Variants in SPICE1 observed in about 807,000 individuals in gnomAD.
SPICE1 encodes spindle and centriole-associated protein 1.
A neutral mutation model predicts 102.7 loss-of-function variants in SPICE1; 75 were observed. That is an observed-to-expected ratio of 0.73 (90% CI 0.61 to 0.88). The LOEUF (loss-of-function observed/expected upper bound fraction) is 0.88. Among genes scored for constraint, SPICE1 ranks in the 40% least tolerant of loss-of-function variants. The pLI, the probability that SPICE1 is intolerant of heterozygous loss-of-function variation, is 0.00. For missense variants in SPICE1, 979 were observed against 1,020.1 expected (o/e 0.96, Z 0.55); for synonymous variants, 308 against 350.3 (o/e 0.88, Z 1.35).
At chr3:113,502,516 T>C (rs1937028490) in intron 3 of SPICE1, among the ~76,000 whole-genome samples, 1 of 152,002 alleles carries the variant, frequency 6.6e-6, no homozygotes, top group Non-Finnish European at 1.5e-5. Context: ...TGTTAATGGG[T>C]AGAGGGTTTC....
chr3:113,509,884 CCT>C (rs1365226692), intron 1 of SPICE1, among the ~76,000 whole-genome samples: 1 of 152,148 alleles, frequency 6.6e-6, no homozygotes, highest in Non-Finnish European at 1.5e-5. Flanking sequence ...TGGCATTTCC[CCT>C]GTTTGCACTC....
chr3:113,465,769 G>A lies in SPICE1; in HGVS notation c.1171C>T (p.Arg391Cys), dbSNP rs758967946. 24 of 1,612,350 alleles carry A rather than the reference G, an allele frequency of 1.5e-5. No homozygotes were observed. The highest frequency in any genetic ancestry group is 2.2e-5 in the South Asian group (2 of 90,788). ...RYLKESEIQL[R>C]KEVETRQQLE... is the part of the protein sequence containing the mutation. ...TGTTGCCTTGTCTCTACTTCTTTAC[G>A]TAGCTGGATCTCACTCTACAAAAAA... Residue 391 changes from arginine (R) to cysteine (C), a missense_variant, in exon 11 of 18, where the codon CGT becomes TGT. By Grantham distance (180) the Arg-to-Cys change is radical. Transcript: ENST00000295872.
At position 113,488,941 on chromosome 3, in the gene SPICE1, A is replaced by G. The variant is rs199729414; in HGVS notation, c.611+4T>C. ...TTGTAAATATTTATGCCATATACAC[A>G]TACCTGTCTGTATTCGTGTTAGACT... On this transcript the variant is annotated splice_donor_region_variant and intron_variant, in intron 7 of 17. Transcript: ENST00000295872. The G allele has an allele frequency of 4.3e-3, 6,721 of 1,570,440 alleles. 27 individuals are homozygous for G. Among genetic ancestry groups the G allele is most frequent in the Non-Finnish European group, 4.1e-3 (4,680 of 1,140,276 alleles).
At chr3:113,496,394 G>T (rs1274671124) in intron 4 of SPICE1, among the ~76,000 whole-genome samples, 2 of 147,728 alleles carry the variant, frequency 1.4e-5, no homozygotes, top group Non-Finnish European at 3.0e-5. Context: ...TACACATGTT[G>T]GATTTTCAAA....
chr3:113,469,424 TAATTA>T lies in SPICE1; in HGVS notation c.612-191_612-187del, dbSNP rs1302960263. The stretch of plus-strand genomic sequence containing the variant: ...TGCATATAAATTTAATTATAATTTA[TAATTA>T]AATTATATAATTAATTATATATAAT... On this transcript the variant is annotated intron_variant, in intron 7 of 17. Coordinates refer to ENST00000295872, the MANE Select transcript of SPICE1 (RefSeq NM_144718.4). Among the ~76,000 whole-genome samples the T allele has an allele frequency of 1.2e-4, 18 of 146,542 alleles. No individual in the cohort carries two copies. In the East Asian group the frequency reaches 3.3e-3, roughly 27 times the overall value.
rs1004280010 is a variant in SPICE1, at chr3:113,442,721, C to T, written c.*2586G>A. On this transcript the variant is annotated 3_prime_UTR_variant, in exon 18 of 18. Coordinates refer to ENST00000295872, the MANE Select transcript of SPICE1 (RefSeq NM_144718.4). ...CAATAAAATTGGCAAGAAAAAATTG[C>T]TATAATACAATTTGTGTTTATTAGT... is the stretch of plus-strand genomic sequence containing the variant. 1 of 152,116 alleles carries T rather than the reference C, an allele frequency of 6.6e-6. No individual in the cohort carries two copies. The highest frequency in any genetic ancestry group is 1.5e-5 in the Non-Finnish European group (1 of 68,030). The allele number at this position is 152,116 out of a possible 1,614,324, so 9.4% of individuals were successfully genotyped here.
chr3:113,504,654 A>G (rs1267583571), intron 2 of SPICE1, among the ~76,000 whole-genome samples: 2 of 151,776 alleles, frequency 1.3e-5, no homozygotes, highest in African/African-American at 4.8e-5. Context: ...TGTTTTTAAT[A>G]GGCATTTAAA....
At position 113,473,854 on chromosome 3, in the gene SPICE1, G is replaced by A. The variant is rs554207008; in HGVS notation, c.612-4616C>T. On this transcript the variant is annotated intron_variant, in intron 7 of 17. Transcript: ENST00000295872. The stretch of plus-strand genomic sequence containing the variant: ...ATCATGCCAAATTGTAAAGACCATC[G>A]AGACTAGGAAGAAACTGCATCAACT... Among the ~76,000 whole-genome samples, 30 of 152,058 alleles carry A rather than the reference G, an allele frequency of 2.0e-4. No individual in the cohort carries two copies. In the East Asian group the frequency reaches 3.1e-3, roughly 16 times the overall value.
chr3:113,505,712 G>C (rs1576650653), intron 2 of SPICE1, among the ~76,000 whole-genome samples: 1 of 152,254 alleles, frequency 6.6e-6, no homozygotes, highest in Non-Finnish European at 1.5e-5. Context: ...ACCAACCTGG[G>C]CAACACAGCA....
At position 113,460,773 on chromosome 3, in the gene SPICE1, G is replaced by A. The variant is rs779366440; in HGVS notation, c.1288-9C>T. On this transcript the variant is annotated splice_polypyrimidine_tract_variant and intron_variant, in intron 11 of 17. Coordinates refer to ENST00000295872, the MANE Select transcript of SPICE1 (RefSeq NM_144718.4). ...TACTGCTGAAGTCTTGCCTGGGGAG[G>A]AAAACATATGAAATAATATTATTAG... 3.2e-6 allele frequency: 5 copies of A among 1,572,694 alleles called. No individual in the cohort carries two copies. In the African/African-American group the frequency reaches 6.8e-5, roughly 22 times the overall value.
intron 7 of SPICE1, among the ~76,000 whole-genome samples, chr3:113,475,220 C>T (rs545933803): frequency 6.6e-5 from 10 of 152,158 alleles, no homozygotes; most frequent in African/African-American, 2.4e-4. Flanking sequence ...TACATCCTCC[C>T]AAGACTAAAC....
chr3:113,476,850 A>G (rs1936362573), intron 7 of SPICE1, among the ~76,000 whole-genome samples: 1 of 151,286 alleles, frequency 6.6e-6, no homozygotes, highest in African/African-American at 2.4e-5. Flanking sequence ...AAACCTAGGC[A>G]TTACCATTCA....
In SPICE1 at chr3:113,461,802, G is replaced by A. The variant is rs190423030; in HGVS notation, c.1288-1038C>T. Among the ~76,000 whole-genome samples the A allele has an allele frequency of 2.1e-4, 32 of 152,296 alleles. No individual in the cohort carries two copies. In the East Asian group the frequency reaches 5.4e-3, roughly 26 times the overall value. On this transcript the variant is annotated intron_variant, in intron 11 of 17. Coordinates refer to ENST00000295872, the MANE Select transcript of SPICE1 (RefSeq NM_144718.4). ...AGATACAGACATTTGATAAAAGTCA[G>A]GTGCAGCCAGACTCAGAAATATTAT...
intron 7 of SPICE1, among the ~76,000 whole-genome samples, chr3:113,482,928 C>G (rs1366879100): frequency 6.6e-6 from 1 of 152,096 alleles, no homozygotes; most frequent in East Asian, 1.9e-4. Context: ...GTAGTTTTTT[C>G]TAATTCTGTG....
intron 4 of SPICE1, among the ~76,000 whole-genome samples, chr3:113,497,071 G>C (rs1936906391): frequency 6.6e-6 from 1 of 152,184 alleles, no homozygotes; most frequent in Non-Finnish European, 1.5e-5. Flanking sequence ...AACCATCTTT[G>C]TAAGTGGGAA....
At chr3:113,512,165 A>G (rs992954771) in intron 1 of SPICE1, among the ~76,000 whole-genome samples, 5 of 152,240 alleles carry the variant, frequency 3.3e-5, no homozygotes, top group Non-Finnish European at 7.3e-5. Flanking sequence ...CACAACCCAC[A>G]GAAATTGTGA....
chr3:113,474,520 T>C (rs945046079), intron 7 of SPICE1, among the ~76,000 whole-genome samples: 39 of 152,270 alleles, frequency 2.6e-4, no homozygotes, highest in Admixed American at 3.3e-4. Flanking sequence ...TATTCCAAAA[T>C]TGACCACAAA....
At position 113,444,518 on chromosome 3, in the gene SPICE1, A is replaced by AG. The variant is rs1470266267; in HGVS notation, c.*788_*789insC. ...TGTCTCAAAAAAAAAAAAAAAAGAG[A>AG]AATCTACCCTGAAAGATCTGCTTAA... On this transcript the variant is annotated 3_prime_UTR_variant, in exon 18 of 18. Coordinates refer to ENST00000295872, the MANE Select transcript of SPICE1 (RefSeq NM_144718.4). 2 of 151,888 alleles carry AG rather than the reference A, an allele frequency of 1.3e-5. No individual in the cohort carries two copies. Among genetic ancestry groups the AG allele is most frequent in the African/African-American group, 4.8e-5 (2 of 41,368 alleles). The allele number at this position is 151,888 out of a possible 1,614,324, so 9.4% of individuals were successfully genotyped here.
At chr3:113,460,532 T>C (rs536700724) in intron 12 of SPICE1, 85 bp downstream of exon 12, 52 of 1,506,452 alleles carry the variant, frequency 3.5e-5, no homozygotes, top group Admixed American at 9.4e-5. Context: ...TAAGTCTATA[T>C]AAGTTTAGAG....
Sources: allele counts gnomAD v4.1 joint callset (sites outside exome capture counted in the v4.1 genomes callset), GRCh38; gene constraint gnomAD v4.1.1; transcripts MANE v1.5; gene names NCBI Gene and HGNC (gene_info 2026-07-23, HGNC 2026-07-21).